Variants in DCC observed in about 807,000 individuals in gnomAD.
DCC encodes the protein DCC netrin 1 receptor, also known as netrin receptor DCC.
DCC carries 58 observed loss-of-function variants against 172.5 expected under a neutral mutation model. That is an observed-to-expected ratio of 0.34 (90% CI 0.27 to 0.42). The LOEUF is 0.42. DCC is among the 10% of genes least tolerant of loss of function. The probability of loss-of-function intolerance (pLI) is 1.00; values close to 1 mark genes in which losing one functional copy is unlikely to be tolerated. For missense variants in DCC, 1,740 were observed against 1,791.0 expected (o/e 0.97, Z 0.51); for synonymous variants, 709 against 644.5 (o/e 1.10, Z -1.52).
intron 5 of DCC, among the ~76,000 whole-genome samples, chr18:52,961,292 AAAAATAT>A (rs1277670264): frequency 6.6e-6 from 1 of 151,976 alleles, no homozygotes; most frequent in African/African-American, 2.4e-5. Context: ...AAAGTATAAT[AAAAATAT>A]AAAATAAAAA....
rs781557680 is a variant in DCC at position 53,486,777 on chromosome 18, T to G, written c.3737-20T>G. The stretch of plus-strand genomic sequence containing the variant: ...GAATACATAAGGTTCAAAAAACCCA[T>G]TAACCTTTTTCTTTTGCAGCTGTCG... On this transcript the variant is annotated intron_variant, in intron 25 of 28. Coordinates refer to ENST00000442544, the MANE Select transcript of DCC (RefSeq NM_005215.4). 9.9e-6 allele frequency: 16 copies of G among 1,614,146 alleles called. No individual in the cohort carries two copies. The East Asian group carries it at 3.3e-4, about 34-fold the overall frequency.
intron 1 of DCC, among the ~76,000 whole-genome samples, chr18:52,364,733 C>CCT (rs1984768208): frequency 1.3e-5 from 2 of 152,130 alleles, no homozygotes; most frequent in Non-Finnish European, 2.9e-5. Context: ...ACTCATTGAT[C>CCT]CTGGTTTTGC....
At chr18:53,511,671 C>G (rs112233178) in intron 27 of DCC, among the ~76,000 whole-genome samples, 1 of 152,176 alleles carries the variant, frequency 6.6e-6, no homozygotes, top group African/African-American at 2.4e-5. Flanking sequence ...TCAGGGAGTT[C>G]CCTTTCCGAG....
intron 5 of DCC, among the ~76,000 whole-genome samples, chr18:53,048,647 T>C (rs984132468): frequency 2.6e-5 from 4 of 150,976 alleles, no homozygotes; most frequent in African/African-American, 4.9e-5. Flanking sequence ...GATATATATA[T>C]ACACATTCTT....
At chr18:52,472,986 T>C (rs770442581) in intron 1 of DCC, among the ~76,000 whole-genome samples, 3 of 152,220 alleles carry the variant, frequency 2.0e-5, no homozygotes, top group African/African-American at 4.8e-5. Context: ...GTATTTCAAA[T>C]TTCAGACAGA....
At chr18:53,131,055 A>G (rs1001701501) in intron 7 of DCC, among the ~76,000 whole-genome samples, 1 of 152,104 alleles carries the variant, frequency 6.6e-6, no homozygotes, top group Non-Finnish European at 1.5e-5. Context: ...AAGAATGCTT[A>G]AAAGGCTGCG....
intron 5 of DCC, among the ~76,000 whole-genome samples, chr18:53,005,502 G>A (rs117833779): frequency 0.032 from 4,906 of 152,276 alleles, 104 homozygotes; most frequent in Non-Finnish European, 0.05. Context: ...GGGAGGCCAA[G>A]TTGGGCAGAT....
At chr18:52,917,316 C>G (rs2049223722) in intron 3 of DCC, among the ~76,000 whole-genome samples, 2 of 151,990 alleles carry the variant, frequency 1.3e-5, no homozygotes, top group South Asian at 4.1e-4. Context: ...GAGACAGACT[C>G]TGTTTCAAAA....
intron 1 of DCC, among the ~76,000 whole-genome samples, chr18:52,632,825 C>T (rs1234246055): frequency 6.6e-6 from 1 of 152,144 alleles, no homozygotes; most frequent in Non-Finnish European, 1.5e-5. Flanking sequence ...TGATTGATTG[C>T]ACTTCTCCTT....
At chr18:52,459,723 C>G (rs143575129) in intron 1 of DCC, among the ~76,000 whole-genome samples, 9,321 of 152,024 alleles carry the variant, frequency 0.061, 354 homozygotes, top group East Asian at 0.094. Context: ...CCCGCCTCAG[C>G]CTCCCAAAGT....
chr18:53,172,949 A>G lies in DCC; in HGVS notation c.1419-6013A>G, dbSNP rs546299970. 5.9e-5 allele frequency among the ~76,000 whole-genome samples: 9 copies of G among 152,220 alleles called. No individual in the cohort carries two copies. In the East Asian group the frequency reaches 1.2e-3, roughly 20 times the overall value. On this transcript the variant is annotated intron_variant, in intron 8 of 28. Transcript: ENST00000442544. Reference sequence around the variant, plus strand: ...TGCTTTTCTAAATCTCACTTTCTATATGTAAAATAATGATAACAAAACCAC... The same window carrying G: ...TGCTTTTCTAAATCTCACTTTCTATGTGTAAAATAATGATAACAAAACCAC...
intron 25 of DCC, among the ~76,000 whole-genome samples, chr18:53,474,473 T>A (rs1333874002): frequency 6.6e-6 from 1 of 151,912 alleles, no homozygotes; most frequent in Non-Finnish European, 1.5e-5. Context: ...TGTGGGAGGG[T>A]CCCAATGGGA....
Position 52,878,124 on chromosome 18 carries a change from T to G in DCC, c.413-27920T>G, listed in dbSNP as rs188914860. ...CTCCATATTTCCTAACGTTCCTCTC[T>G]CATCTGCTTCATCAGGCCATGTAAA... On this transcript the variant is annotated intron_variant, in intron 2 of 28. Transcript: ENST00000442544. 1.2e-4 allele frequency among the ~76,000 whole-genome samples: 18 copies of G among 152,218 alleles called. 1 individual carries two copies. The highest frequency in any genetic ancestry group is 4.1e-4 in the African/African-American group (17 of 41,542).
intron 1 of DCC, among the ~76,000 whole-genome samples, chr18:52,535,521 T>C (rs1285864318): frequency 6.6e-6 from 1 of 152,204 alleles, no homozygotes; most frequent in African/African-American, 2.4e-5. Context: ...GTGAAGCTTG[T>C]GGGCAGACAT....
chr18:52,685,341 A>T (rs1449896426), intron 1 of DCC, among the ~76,000 whole-genome samples: 1 of 152,132 alleles, frequency 6.6e-6, no homozygotes, highest in Non-Finnish European at 1.5e-5. Context: ...TCTTTAAAGG[A>T]CAATGTCAAC....
At chr18:52,560,246 A>G (rs995059664) in intron 1 of DCC, among the ~76,000 whole-genome samples, 4 of 152,230 alleles carry the variant, frequency 2.6e-5, no homozygotes, top group Non-Finnish European at 4.4e-5. Context: ...TATGTAAATA[A>G]ATCAGTATGT....
intron 1 of DCC, among the ~76,000 whole-genome samples, chr18:52,445,870 C>T (rs1988103997): frequency 6.6e-6 from 1 of 152,156 alleles, no homozygotes; most frequent in Non-Finnish European, 1.5e-5. Flanking sequence ...CTTCTACATT[C>T]GAAGGATGGA....
chr18:52,623,897 A>G (rs1021157348), intron 1 of DCC, among the ~76,000 whole-genome samples: 1 of 152,194 alleles, frequency 6.6e-6, no homozygotes, highest in African/African-American at 2.4e-5. Context: ...TTGGGCATTA[A>G]TCAGCAATGC....
chr18:52,612,179 T>C (rs916758307), intron 1 of DCC, among the ~76,000 whole-genome samples: 5 of 152,142 alleles, frequency 3.3e-5, no homozygotes, highest in African/African-American at 1.2e-4. Context: ...TTTGCTCTTA[T>C]CTTTGCAACA....
Sources: gnomAD v4.1 joint callset for allele counts (sites outside exome capture counted in the v4.1 genomes callset) on GRCh38, gnomAD v4.1.1 for gene constraint, MANE v1.5 for transcripts, NCBI Gene and HGNC (gene_info 2026-07-23, HGNC 2026-07-21) for gene names.